The following DDX46 variants were observed in gnomAD, a reference collection of about 807,000 sequenced individuals.
DDX46 encodes probable ATP-dependent RNA helicase DDX46.
Under a neutral mutation model 134.9 loss-of-function variants are expected in DDX46, and 30 were observed. The ratio of observed to expected loss-of-function variants is 0.22; its 90% CI spans 0.17 to 0.30. DDX46 has a LOEUF of 0.30. Ranked by LOEUF, DDX46 falls within the 10% of genes least tolerant of loss-of-function variation. The pLI, the probability that DDX46 is intolerant of heterozygous loss-of-function variation, is 1.00. For missense variants in DDX46, 622 were observed against 1,248.7 expected (o/e 0.50, Z 7.56); for synonymous variants, 415 against 404.1 (o/e 1.03, Z -0.32).
intron 15 of DDX46, among the ~76,000 whole-genome samples, chr5:134,803,230 G>A (rs1482572998): frequency 6.6e-6 from 1 of 152,078 alleles, no homozygotes; most frequent in Admixed American, 6.6e-5. Context: ...CTGACCTCAG[G>A]TGATCCACCC....
intron 21 of DDX46, among the ~76,000 whole-genome samples, chr5:134,822,290 A>T (rs1235352301): frequency 6.6e-6 from 1 of 152,094 alleles, no homozygotes; most frequent in Non-Finnish European, 1.5e-5. Context: ...TTTTGCTCCT[A>T]TACAGTCCCA....
intron 18 of DDX46, among the ~76,000 whole-genome samples, chr5:134,814,424 A>C (rs1755231728): frequency 6.6e-6 from 1 of 152,256 alleles, no homozygotes; most frequent in Admixed American, 6.5e-5. Context: ...ACAGTACTTA[A>C]CACGAATAAA....
At chr5:134,768,815 C>A (rs559845078) in intron 3 of DDX46, among the ~76,000 whole-genome samples, 1 of 152,210 alleles carries the variant, frequency 6.6e-6, no homozygotes, top group South Asian at 2.1e-4. Context: ...AATCCTAGCA[C>A]TTTGGGAGGC....
At chr5:134,800,405 A>G (rs1278299060) in intron 15 of DDX46, among the ~76,000 whole-genome samples, 1 of 152,192 alleles carries the variant, frequency 6.6e-6, no homozygotes, top group Non-Finnish European at 1.5e-5. Context: ...TGCATGTATC[A>G]GTAGTTCTTC....
chr5:134,825,631 A>G (rs986868166), intron 21 of DDX46, among the ~76,000 whole-genome samples: 16 of 152,122 alleles, frequency 1.1e-4, no homozygotes, highest in Non-Finnish European at 1.9e-4. Flanking sequence ...AGACATTTCA[A>G]TCTTTAGTCT....
chr5:134,820,646 C>A (rs1755417056), intron 21 of DDX46, among the ~76,000 whole-genome samples: 1 of 152,116 alleles, frequency 6.6e-6, no homozygotes, highest in African/African-American at 2.4e-5. Flanking sequence ...CAGTCTTTTG[C>A]TATTTAGGAC....
chr5:134,783,314 A>G (rs1017154410), intron 9 of DDX46, among the ~76,000 whole-genome samples: 4 of 150,886 alleles, frequency 2.7e-5, no homozygotes, highest in Non-Finnish European at 4.4e-5. Context: ...CAGTGGTGCA[A>G]TCTCACTGCG....
chr5:134,777,484 A>G, intron 5 of DDX46, 90 bp from the exon 6 acceptor site: 11 of 1,433,102 alleles, frequency 7.7e-6, no homozygotes, highest in Non-Finnish European at 1.0e-5. Context: ...GGGCAGTGGC[A>G]GAAAAGGTTA....
chr5:134,766,820 T>C, intron 2 of DDX46, 97 bp from the exon 3 acceptor site: 1 of 1,377,734 alleles, frequency 7.3e-7, no homozygotes, highest in Non-Finnish European at 9.7e-7. Flanking sequence ...TTAATAATGG[T>C]AGTGATTAAG....
At chr5:134,781,493 A>G (rs1754152500) in intron 7 of DDX46, among the ~76,000 whole-genome samples, 1 of 152,172 alleles carries the variant, frequency 6.6e-6, no homozygotes, top group South Asian at 2.1e-4. Context: ...GGCATACAAT[A>G]TGGAGAGAAA....
At chr5:134,764,591 G>C (rs1753501166) in intron 2 of DDX46, among the ~76,000 whole-genome samples, 1 of 152,024 alleles carries the variant, frequency 6.6e-6, no homozygotes. Context: ...CCATCAAACA[G>C]TGTTTTTAGT....
At chr5:134,776,456 C>T (rs916048897) in intron 5 of DDX46, among the ~76,000 whole-genome samples, 6 of 151,570 alleles carry the variant, frequency 4.0e-5, no homozygotes, top group Non-Finnish European at 7.4e-5. Flanking sequence ...TGAAGTAGAT[C>T]ATCTTAAAGG....
At chr5:134,818,659 A>G (rs908550291) in intron 20 of DDX46, among the ~76,000 whole-genome samples, 13 of 151,172 alleles carry the variant, frequency 8.6e-5, no homozygotes, top group African/African-American at 2.2e-4. Context: ...CCAAGATTGC[A>G]CCATTGTATT....
chr5:134,823,785 G>A (rs1755520156), intron 21 of DDX46, among the ~76,000 whole-genome samples: 1 of 152,180 alleles, frequency 6.6e-6, no homozygotes, highest in African/African-American at 2.4e-5. Context: ...GTTGGAACTG[G>A]ACAGGTCTTT....
intron 8 of DDX46, 55 bp from the exon 9 acceptor site, chr5:134,782,884 AAAGTAG>A: frequency 3.2e-6 from 5 of 1,572,876 alleles, no homozygotes; most frequent in Non-Finnish European, 4.3e-6. Flanking sequence ...GCCTAATTGA[AAAGTAG>A]AAGACACCAA....
intron 22 of DDX46, among the ~76,000 whole-genome samples, chr5:134,827,243 A>G (rs187010275): frequency 2.4e-4 from 37 of 151,754 alleles, no homozygotes; most frequent in South Asian, 6.3e-4. Context: ...TCTCCCCCCA[A>G]CAAAACCATA....
Position 134,790,647 on chromosome 5 carries a change from A to G in DDX46, c.1626+95A>G, listed in dbSNP as rs1316740700. 3.7e-6 allele frequency: 4 copies of G among 1,074,592 alleles called. No homozygotes were observed. The Admixed American group carries it at 6.2e-5, about 17-fold the overall frequency. The allele number at this position is 1,074,592 out of a possible 1,614,324, so 66.6% of individuals were successfully genotyped here. A position where few individuals can be genotyped will look rare whatever the true frequency, so the allele number is the denominator to read the frequency against. On this transcript the variant is annotated intron_variant, in intron 13 of 22. Coordinates refer to ENST00000452510, the MANE Select transcript of DDX46 (RefSeq NM_001300860.2). ...TTCATGTGGTTTCTGAAATTCACACACACACTTTTCTGTTGCACGGTAATA... is the reference window on the plus strand; with the variant it reads ...TTCATGTGGTTTCTGAAATTCACACGCACACTTTTCTGTTGCACGGTAATA...
chr5:134,773,889 T>C (rs751163188), intron 5 of DDX46, 28 bp downstream of exon 5: 10 of 1,540,546 alleles, frequency 6.5e-6, no homozygotes, highest in Admixed American at 2.2e-5. Flanking sequence ...ATAGCCTGTA[T>C]AACACCTCAT....
At chr5:134,766,125 CT>C (rs1206118492) in intron 2 of DDX46, among the ~76,000 whole-genome samples, 1 of 152,160 alleles carries the variant, frequency 6.6e-6, no homozygotes, top group Non-Finnish European at 1.5e-5. Flanking sequence ...GATTAGTGAT[CT>C]TTTAGTAGAC....
Sources: allele counts gnomAD v4.1 joint callset (sites outside exome capture counted in the v4.1 genomes callset), GRCh38; gene constraint gnomAD v4.1.1; transcripts MANE v1.5; gene names NCBI Gene and HGNC (gene_info 2026-07-23, HGNC 2026-07-21).